Variants in ABLIM3 observed in about 807,000 individuals in gnomAD.
The protein encoded by ABLIM3 is actin binding LIM protein family member 3.
Under a neutral mutation model 109.5 loss-of-function variants are expected in ABLIM3, and 61 were observed. That is an observed-to-expected ratio of 0.56 (90% CI 0.45 to 0.69). ABLIM3 has a LOEUF of 0.69. ABLIM3 is among the 30% of genes least tolerant of loss of function. The pLI is 0.00. For missense variants in ABLIM3, 796 were observed against 889.5 expected, an observed-to-expected ratio of 0.89 and a Z score of 1.34; for synonymous variants, 300 against 324.8, an observed-to-expected ratio of 0.92 and a Z score of 0.82.
chr5:149,248,905 C>A (rs1753672036), intron 18 of ABLIM3, among the ~76,000 whole-genome samples: 1 of 151,392 alleles, frequency 6.6e-6, no homozygotes, highest in Non-Finnish European at 1.5e-5. Flanking sequence ...CACACTCTGT[C>A]TGCCTCCTCC....
chr5:149,205,249 T>G (rs1373755123), intron 5 of ABLIM3, among the ~76,000 whole-genome samples: 1 of 152,204 alleles, frequency 6.6e-6, no homozygotes, highest in East Asian at 1.9e-4. Flanking sequence ...CAATCATACC[T>G]GTCCAAGGGC....
intron 2 of ABLIM3, among the ~76,000 whole-genome samples, chr5:149,145,842 G>A (rs1203593935): frequency 2.0e-5 from 3 of 151,640 alleles, no homozygotes; most frequent in East Asian, 3.9e-4. Flanking sequence ...CTGATGTTCA[G>A]TGTAACAAAC....
chr5:149,190,386 A>G (rs1474555466), intron 3 of ABLIM3, among the ~76,000 whole-genome samples: 2 of 152,170 alleles, frequency 1.3e-5, no homozygotes, highest in African/African-American at 4.8e-5. Flanking sequence ...TCTCATTAAA[A>G]CTGTTAAAAT....
intron 2 of ABLIM3, among the ~76,000 whole-genome samples, chr5:149,178,039 C>T (rs1054310057): frequency 2.0e-5 from 3 of 152,160 alleles, no homozygotes; most frequent in South Asian, 2.1e-4. Flanking sequence ...CCCGCTGTGT[C>T]GTGTGCTTCC....
At position 149,153,705 on chromosome 5, in the gene ABLIM3, C is replaced by T. The variant is rs546173686; in HGVS notation, c.13+11597C>T. 2.6e-4 allele frequency among the ~76,000 whole-genome samples: 40 copies of T among 152,288 alleles called. No individual in the cohort carries two copies. The South Asian group carries it at 3.7e-3, about 14-fold the overall frequency. ...GGATGTTGAAGGAACAGTAGGAAGA[C>T]GCCAGGCAGCTCCACATGTTGGTTT... On this transcript the variant is annotated intron_variant, in intron 2 of 23. Coordinates refer to ENST00000309868, the MANE Select transcript of ABLIM3 (RefSeq NM_014945.5).
In ABLIM3 at chr5:149,239,736, C is replaced by T. The variant is rs968293859; in HGVS notation, c.1075-23C>T. 3.8e-6 allele frequency: 6 copies of T among 1,573,952 alleles called. No homozygotes were observed. In the African/African-American group the frequency reaches 5.5e-5, roughly 14 times the overall value. On this transcript the variant is annotated intron_variant, in intron 12 of 23. Transcript: ENST00000309868. ...GGCCCACTTAACAGCCAGCCATGCT[C>T]ACAGCCCCATTTCCTCTCCCAGGAC... is the stretch of plus-strand genomic sequence containing the variant.
At chr5:149,162,144 C>A (rs1232361671) in intron 2 of ABLIM3, among the ~76,000 whole-genome samples, 3 of 152,186 alleles carry the variant, frequency 2.0e-5, no homozygotes, top group African/African-American at 4.8e-5. Flanking sequence ...TAAACAGATG[C>A]CTTCCTCCCT....
intron 3 of ABLIM3, among the ~76,000 whole-genome samples, chr5:149,188,194 AG>A (rs1757153525): frequency 6.6e-6 from 1 of 152,214 alleles, no homozygotes; most frequent in African/African-American, 2.4e-5. Flanking sequence ...ATGAAATAAA[AG>A]GCATCCAGAT....
At chr5:149,247,574 C>A in intron 17 of ABLIM3, 1 of 739,028 alleles carries the variant, frequency 1.4e-6, no homozygotes, top group Non-Finnish European at 2.4e-6. Context: ...ACCACCAGAC[C>A]CCCACCCAGA....
rs1303941713 is a variant in ABLIM3, at chr5:149,142,042, A to C, written c.-54A>C. 1.9e-6 allele frequency: 3 copies of C among 1,614,148 alleles called. No homozygotes were observed. The Admixed American group carries it at 5.0e-5, about 27-fold the overall frequency. On this transcript the variant is annotated 5_prime_UTR_variant, in exon 2 of 24. Coordinates refer to ENST00000309868, the MANE Select transcript of ABLIM3 (RefSeq NM_014945.5). Reference sequence around the variant, plus strand: ...TGAGGTTCGAAGAACGGAAGATTTAAAAAGCAGCCGGGGCCTCCGTATTGA... The same window carrying C: ...TGAGGTTCGAAGAACGGAAGATTTACAAAGCAGCCGGGGCCTCCGTATTGA...
In ABLIM3 at chr5:149,251,495, G is replaced by T. The variant is rs1356822740; in HGVS notation, c.1849+76G>T. 1.1e-5 allele frequency: 16 copies of T among 1,508,354 alleles called. No homozygotes were observed. The South Asian group carries it at 1.9e-4, about 18-fold the overall frequency. 93.4% of individuals were successfully genotyped at this position (1,508,354 alleles called of 1,614,324 possible). ...CACTCAAAACTGCAGCTTGACCTTC[G>T]GCAAATGATGGCTACAGATTCTGTC... On this transcript the variant is annotated intron_variant, in intron 21 of 23. Transcript: ENST00000309868.
At position 149,142,094 on chromosome 5, in the gene ABLIM3, C is replaced by T; in HGVS notation, c.-2C>T. 1.2e-6 allele frequency: 2 copies of T among 1,613,984 alleles called. No individual in the cohort carries two copies. The highest frequency in any genetic ancestry group is 1.6e-4 in the Middle Eastern group (1 of 6,062). ...TGAAAGACCCAGTGCAAAGACATCA[C>T]CATGAACACTAGCAGTAAGTGGATC... is the stretch of plus-strand genomic sequence containing the variant. On this transcript the variant is annotated 5_prime_UTR_variant, in exon 2 of 24. Transcript: ENST00000309868.
At chr5:149,257,525 A>G (rs1561645203) in intron 23 of ABLIM3, among the ~76,000 whole-genome samples, 1 of 152,214 alleles carries the variant, frequency 6.6e-6, no homozygotes, top group Non-Finnish European at 1.5e-5. Flanking sequence ...GCTATCCAGG[A>G]AAGTTTCAAG....
intron 2 of ABLIM3, among the ~76,000 whole-genome samples, chr5:149,157,668 A>G (rs1753972978): frequency 6.6e-6 from 1 of 152,078 alleles, no homozygotes; most frequent in African/African-American, 2.4e-5. Context: ...GATATTCAGA[A>G]GAAGAAGTGT....
At chr5:149,239,302 G>C in intron 12 of ABLIM3, 25 bp downstream of exon 12, 1 of 1,611,782 alleles carries the variant, frequency 6.2e-7, no homozygotes, top group Non-Finnish European at 8.5e-7. Context: ...AGAGAATTAA[G>C]TTGATATATA....
intron 3 of ABLIM3, among the ~76,000 whole-genome samples, chr5:149,186,752 A>C (rs1347857096): frequency 2.0e-5 from 3 of 152,262 alleles, no homozygotes; most frequent in African/African-American, 4.8e-5. Flanking sequence ...AACAATGGCG[A>C]GCAGAATCAG....
intron 6 of ABLIM3, 54 bp from the exon 7 acceptor site, chr5:149,210,672 C>T: frequency 6.7e-7 from 1 of 1,496,178 alleles, no homozygotes; most frequent in East Asian, 2.3e-5. Context: ...ATGCCATGTG[C>T]ACCCTCACTG....
At chr5:149,193,696 TATC>T (rs1188529744) in intron 3 of ABLIM3, among the ~76,000 whole-genome samples, 2 of 152,208 alleles carry the variant, frequency 1.3e-5, no homozygotes, top group Admixed American at 6.5e-5. Flanking sequence ...TCCTACCAGA[TATC>T]ATCATTTGTT....
At chr5:149,176,863 G>T (rs1755977944) in intron 2 of ABLIM3, 2 of 152,130 alleles carry the variant, frequency 1.3e-5, no homozygotes, top group South Asian at 4.2e-4. Flanking sequence ...CCAGACTTAG[G>T]ATAATGTAGC....
Sources: allele counts gnomAD v4.1 joint callset (sites outside exome capture counted in the v4.1 genomes callset), GRCh38; gene constraint gnomAD v4.1.1; transcripts MANE v1.5; gene names NCBI Gene and HGNC (gene_info 2026-07-23, HGNC 2026-07-21).